Variants in INTS12 observed in about 807,000 individuals in gnomAD.
INTS12 encodes the protein integrator complex subunit 12.
In INTS12, 13 loss-of-function variants were observed where a neutral mutation model predicts 41.6. That is an observed-to-expected ratio of 0.31 (90% confidence interval 0.20 to 0.50). The LOEUF (loss-of-function observed/expected upper bound fraction) is 0.50, where lower values mean the gene tolerates loss of function less well. Among genes scored for constraint, INTS12 ranks in the 20% least tolerant of loss-of-function variants. INTS12 has a pLI of 0.98. For synonymous variants in INTS12, 199 were observed against 191.4 expected, an observed-to-expected ratio of 1.04 and a Z score of -0.33; for missense variants, 432 against 541.6, an observed-to-expected ratio of 0.80 and a Z score of 2.01.
chr4:105,683,701 G>T (rs1210254211), intron 7 of INTS12, among the ~76,000 whole-genome samples: 4 of 151,962 alleles, frequency 2.6e-5, no homozygotes, highest in Non-Finnish European at 5.9e-5. Flanking sequence ...CAAATAACTA[G>T]GGATCATTTC....
intron 1 of INTS12, among the ~76,000 whole-genome samples, chr4:105,704,510 A>G (rs1732196655): frequency 6.6e-6 from 1 of 152,230 alleles, no homozygotes; most frequent in Admixed American, 6.5e-5. Context: ...CTTCCAGGCA[A>G]TTCTATCTAC....
In INTS12 at chr4:105,693,443, G is replaced by T. The variant is rs781363003; in HGVS notation, c.353C>A (p.Pro118His). 6.2e-7 allele frequency: 1 copy of T among 1,613,336 alleles called. No individual in the cohort carries two copies. The highest frequency in any genetic ancestry group is 1.1e-5 in the South Asian group (1 of 90,970). ...CTGTGTTTCTGGTTTCTCCAATCTA[G>T]GTTTCTTTGGAATATCAACTCCTTC... is the stretch of plus-strand genomic sequence containing the variant. ...ITEGVDIPKK[P>H]RLEKPETQSS... The change falls in exon 5 of 8, where the codon CCT becomes CAT. Residue 118 changes from proline to histidine, a missense_variant. Pro to His is a moderately conservative substitution (Grantham distance 77). Around this residue, in one of 3 missense-constraint regions of INTS12, gnomAD observed 168 missense variants for 198.9 expected, o/e 0.84. Coordinates refer to ENST00000340139, the MANE Select transcript of INTS12 (RefSeq NM_020395.4).
intron 6 of INTS12, 199 bp from the exon 7 acceptor site, chr4:105,687,037 A>G (rs1731521985): frequency 1.8e-6 from 1 of 568,232 alleles, no homozygotes; most frequent in South Asian, 2.1e-5. Context: ...GTTTCTAAAC[A>G]GTAAAGATAA....
intron 1 of INTS12, among the ~76,000 whole-genome samples, chr4:105,704,680 A>G (rs953896182): frequency 2.6e-5 from 4 of 152,222 alleles, no homozygotes; most frequent in African/African-American, 9.6e-5. Context: ...TGTCTCCAAC[A>G]GAGCCACTCA....
In INTS12 at chr4:105,702,843, T is replaced by C. The variant is rs562995126; in HGVS notation, c.-10+805A>G. 6.6e-5 allele frequency: 63 copies of C among 954,934 alleles called. 1 individual carries two copies. The South Asian group carries it at 2.7e-3, about 41-fold the overall frequency. The allele number at this position is 954,934 out of a possible 1,614,324, so 59.2% of individuals were successfully genotyped here. A position where few individuals can be genotyped will look rare whatever the true frequency, so the allele number is the denominator to read the frequency against. On this transcript the variant is annotated intron_variant, in intron 2 of 7. Transcript: ENST00000340139. ...AGTTGAACCTAAAATAAAACACTTA[T>C]GGTTATGTGGTTTATATTTTATATT...
intron 2 of INTS12, chr4:105,703,092 TATA>T (rs1732140161): frequency 2.3e-6 from 2 of 874,600 alleles, no homozygotes; most frequent in South Asian, 5.3e-5. Flanking sequence ...TCCTTTCCTG[TATA>T]TTCATTCCTA....
At chr4:105,686,631 C>T (rs934770632) in intron 7 of INTS12, 61 bp downstream of exon 7, 1 of 1,336,248 alleles carries the variant, frequency 7.5e-7, no homozygotes, top group African/African-American at 1.5e-5. Context: ...TATCAAGCAA[C>T]TATTTTTTAG....
intron 2 of INTS12, among the ~76,000 whole-genome samples, chr4:105,700,960 C>T (rs960524618): frequency 2.0e-5 from 3 of 152,110 alleles, no homozygotes; most frequent in Admixed American, 6.6e-5. Context: ...GTGTTCAATC[C>T]TTTGATCAAT....
rs749175970 is a variant in INTS12, at chr4:105,683,326, AT to A, written c.805-10del. The A allele has an allele frequency of 4.4e-6, 7 of 1,573,202 alleles. No individual in the cohort carries two copies. Among genetic ancestry groups the A allele is most frequent in the Middle Eastern group, 3.4e-4 (2 of 5,916 alleles). On this transcript the variant is annotated splice_polypyrimidine_tract_variant and intron_variant, in intron 7 of 7. Coordinates refer to ENST00000340139, the MANE Select transcript of INTS12 (RefSeq NM_020395.4). ...GAAATAACTGTGGATGTCTAAAAAA[AT>A]AAAGTAAATAATTACATTAGAGCCA... is the stretch of plus-strand genomic sequence containing the variant.
At chr4:105,696,535 T>C (rs1454762946) in intron 3 of INTS12, among the ~76,000 whole-genome samples, 1 of 152,190 alleles carries the variant, frequency 6.6e-6, no homozygotes, top group Non-Finnish European at 1.5e-5. Flanking sequence ...AGTGTATCAA[T>C]AGTTAATTCC....
intron 3 of INTS12, among the ~76,000 whole-genome samples, chr4:105,696,060 C>T (rs1008132017): frequency 2.6e-5 from 4 of 152,104 alleles, no homozygotes; most frequent in Non-Finnish European, 5.9e-5. Flanking sequence ...CCATGTTGGC[C>T]ACACTGGTCT....
intron 1 of INTS12, among the ~76,000 whole-genome samples, chr4:105,707,657 CTCACAAT>C (rs1732337999): frequency 6.6e-6 from 1 of 152,206 alleles, no homozygotes; most frequent in East Asian, 1.9e-4. Flanking sequence ...CTGTAAAATT[CTCACAAT>C]CTTTCGCCTG....
At chr4:105,686,561 G>A in intron 7 of INTS12, 131 bp downstream of exon 7, 2 of 629,422 alleles carry the variant, frequency 3.2e-6, no homozygotes, top group Non-Finnish European at 5.4e-6. Flanking sequence ...TATAATAGTA[G>A]TAAAGTCTTA....
Position 105,682,799 on chromosome 4 carries a change from C to T in INTS12, c.1323G>A (p.Gln441=). Residue 441 remains glutamine, a synonymous_variant, in exon 8 of 8, where the codon CAG becomes CAA. Coordinates refer to ENST00000340139, the MANE Select transcript of INTS12 (RefSeq NM_020395.4). ...TCTGTAATCGCTTCATAGCATTGAGCTGTGATTCTTGTGAAGTTGGGCCTT... is the reference window on the plus strand; with the variant it reads ...TCTGTAATCGCTTCATAGCATTGAGTTGTGATTCTTGTGAAGTTGGGCCTT... ...SLKGPTSQES[Q]LNAMKRLQMV... 1 of 1,614,042 alleles carries T rather than the reference C, an allele frequency of 6.2e-7. No individual in the cohort carries two copies. The highest frequency in any genetic ancestry group is 8.5e-7 in the Non-Finnish European group (1 of 1,179,944).
intron 2 of INTS12, among the ~76,000 whole-genome samples, chr4:105,703,311 C>T (rs1425179565): frequency 6.6e-6 from 1 of 152,180 alleles, no homozygotes; most frequent in Admixed American, 6.5e-5. Flanking sequence ...CACTTTAAAG[C>T]TTTCGCTGAC....
chr4:105,689,801 G>A (rs1419016707), intron 6 of INTS12, among the ~76,000 whole-genome samples: 1 of 152,172 alleles, frequency 6.6e-6, no homozygotes, highest in African/African-American at 2.4e-5. Flanking sequence ...AGCTACTTGG[G>A]AGGCTGAGGT....
chr4:105,686,718 GA>G lies in INTS12; in HGVS notation c.777del (p.Leu260Ter). 6.2e-7 allele frequency: 1 copy of G among 1,612,988 alleles called. No individual in the cohort carries two copies. The highest frequency in any genetic ancestry group is 8.5e-7 in the Non-Finnish European group (1 of 1,179,254). The stretch of plus-strand genomic sequence containing the variant: ...TTGACTTCTGTTCTCTTAAACGCTA[GA>G]AAAGTTGTCTCTTGTTTCAGTTTAG... ...PETKLKQETT[F>X]LAFKRTEVKT... is the part of the protein sequence containing the mutation. On this transcript the variant is annotated frameshift_variant, in exon 7 of 8. Coordinates refer to ENST00000340139, the MANE Select transcript of INTS12 (RefSeq NM_020395.4). LOFTEE classifies it high-confidence loss of function.
chr4:105,695,733 T>G (rs1731839819), intron 3 of INTS12, 65 bp from the exon 4 acceptor site: 1 of 1,257,502 alleles, frequency 8.0e-7, no homozygotes. Flanking sequence ...AAAAGATCAT[T>G]AATATAAACA....
At chr4:105,689,092 G>C (rs1162983377) in intron 6 of INTS12, among the ~76,000 whole-genome samples, 1 of 152,204 alleles carries the variant, frequency 6.6e-6, no homozygotes, top group Non-Finnish European at 1.5e-5. Context: ...TACTACCTTA[G>C]ATTGAGAACC....
Sources: allele counts gnomAD v4.1 joint callset (sites outside exome capture counted in the v4.1 genomes callset), GRCh38; gene constraint gnomAD v4.1.1; regional missense constraint gnomAD v4.1.1; transcripts MANE v1.5; gene names NCBI Gene and HGNC (gene_info 2026-07-23, HGNC 2026-07-21).